The following NAV2 variants were observed in gnomAD, a reference collection of about 807,000 sequenced individuals.
NAV2 encodes neuron navigator 2.
A neutral mutation model predicts 223.2 loss-of-function variants in NAV2; 54 were observed. That is an observed-to-expected ratio of 0.24 (90% CI 0.19 to 0.30). NAV2 has a LOEUF of 0.30. Ranked by LOEUF, NAV2 falls within the 10% of genes least tolerant of loss-of-function variation. The pLI is 1.00. For synonymous variants in NAV2, 1,279 were observed against 1,239.3 expected (o/e 1.03, Z -0.67); for missense variants, 2,806 against 3,147.5 (o/e 0.89, Z 2.60).
At chr11:19,424,040 G>A (rs775613113) in intron 1 of NAV2, among the ~76,000 whole-genome samples, 2 of 152,198 alleles carry the variant, frequency 1.3e-5, no homozygotes, top group Non-Finnish European at 2.9e-5. Flanking sequence ...GAACTGAAAT[G>A]GAGTTGTATG....
intron 10 of NAV2, among the ~76,000 whole-genome samples, chr11:19,955,595 A>G (rs1431622445): frequency 1.3e-5 from 2 of 152,192 alleles, no homozygotes; most frequent in Non-Finnish European, 2.9e-5. Context: ...AAAAGAGAGA[A>G]CTAGGGGCAT....
chr11:20,072,191 G>C (rs953521697), intron 22 of NAV2, among the ~76,000 whole-genome samples: 5 of 152,180 alleles, frequency 3.3e-5, no homozygotes, highest in Admixed American at 6.5e-5. Context: ...TTATTAAATA[G>C]GGAATCCTTT....
Position 20,049,098 on chromosome 11 carries a change from A to G in NAV2, c.4273A>G (p.Ser1425Gly), listed in dbSNP as rs2057732099. 1 of 1,613,970 alleles carries G rather than the reference A, an allele frequency of 6.2e-7. No homozygotes were observed. Among genetic ancestry groups the G allele is most frequent in the Non-Finnish European group, 8.5e-7 (1 of 1,180,018 alleles). ...DISLSSGGVPSHNSSTGLIAS... is the reference protein window; with the variant it reads ...DISLSSGGVPGHNSSTGLIAS... ...CTCCCTCAGCAGTGGAGGGGTCCCC[A>G]GCCACAATTCTTCCACTGGCCTCAT... The change falls in exon 15 of 38, where the codon AGC becomes GGC. Residue 1425 changes from serine to glycine, a missense_variant. Ser to Gly is a moderately conservative substitution (Grantham distance 56, BLOSUM62 0). This residue lies in a region of NAV2 where 742 missense variants were observed against 777.9 expected (regional missense o/e 0.95). Transcript: ENST00000349880.
chr11:19,964,801 T>C (rs1374591685), intron 10 of NAV2, among the ~76,000 whole-genome samples: 3 of 145,754 alleles, frequency 2.1e-5, no homozygotes, highest in African/African-American at 7.6e-5. Context: ...ACAGCTGGCC[T>C]CATTCTACTT....
chr11:19,978,288 T>G (rs548630541), intron 10 of NAV2, among the ~76,000 whole-genome samples: 2 of 152,124 alleles, frequency 1.3e-5, no homozygotes, highest in Non-Finnish European at 2.9e-5. Context: ...TGCATCCTAA[T>G]AAACTCAGAG....
chr11:19,461,257 G>A (rs368264627), intron 1 of NAV2, among the ~76,000 whole-genome samples: 15 of 152,192 alleles, frequency 9.9e-5, no homozygotes, highest in Non-Finnish European at 1.6e-4. Context: ...CTCAGACCCC[G>A]CCTCCCCTCT....
At chr11:19,969,989 C>CG (rs1294893499) in intron 10 of NAV2, among the ~76,000 whole-genome samples, 2 of 151,950 alleles carry the variant, frequency 1.3e-5, no homozygotes, top group African/African-American at 4.8e-5. Flanking sequence ...ACAACAGTAA[C>CG]TAACAATAAA....
chr11:19,729,494 C>G (rs184075840), intron 1 of NAV2, among the ~76,000 whole-genome samples: 1 of 152,202 alleles, frequency 6.6e-6, no homozygotes, highest in Non-Finnish European at 1.5e-5. Context: ...TCTCTTTGTC[C>G]TCTCTTTAAG....
At chr11:19,577,950 A>T (rs191324804) in intron 1 of NAV2, among the ~76,000 whole-genome samples, 2 of 152,340 alleles carry the variant, frequency 1.3e-5, no homozygotes, top group Non-Finnish European at 2.9e-5. Flanking sequence ...AATCAGCAGC[A>T]TTTTGTTTTG....
intron 6 of NAV2, among the ~76,000 whole-genome samples, chr11:19,930,944 G>A (rs1042570178): frequency 1.3e-5 from 2 of 152,188 alleles, no homozygotes; most frequent in Non-Finnish European, 2.9e-5. Context: ...GTTCCTAAAA[G>A]TGCTCTTGTT....
chr11:19,969,881 G>A (rs935414179), intron 10 of NAV2, among the ~76,000 whole-genome samples: 1 of 151,680 alleles, frequency 6.6e-6, no homozygotes, highest in Non-Finnish European at 1.5e-5. Context: ...GGGAGGCGGA[G>A]CTTGCAGTGA....
chr11:19,604,980 G>T (rs910736346), intron 1 of NAV2, among the ~76,000 whole-genome samples: 6 of 152,158 alleles, frequency 3.9e-5, no homozygotes, highest in South Asian at 2.1e-4. Context: ...CAGCCATGTG[G>T]AACTGTAAGT....
chr11:20,014,210 C>T (rs2053819177), intron 11 of NAV2, among the ~76,000 whole-genome samples: 1 of 152,230 alleles, frequency 6.6e-6, no homozygotes, highest in African/African-American at 2.4e-5. Context: ...CCCCAGCCAC[C>T]TGTCCCTCTC....
chr11:19,722,132 G>T, intron 1 of NAV2, among the ~76,000 whole-genome samples: 1 of 152,104 alleles, frequency 6.6e-6, no homozygotes, highest in Non-Finnish European at 1.5e-5. Context: ...TTAAGTTCTG[G>T]ACTCTTTATC....
chr11:19,525,308 A>G (rs1449251048), intron 1 of NAV2, among the ~76,000 whole-genome samples: 1 of 152,182 alleles, frequency 6.6e-6, no homozygotes, highest in Non-Finnish European at 1.5e-5. Flanking sequence ...TTCCTACACC[A>G]TGTTTCAGAT....
intron 4 of NAV2, among the ~76,000 whole-genome samples, chr11:19,876,129 G>C (rs575847925): frequency 6.6e-6 from 1 of 152,110 alleles, no homozygotes; most frequent in African/African-American, 2.4e-5. Context: ...GGGTTCAAGC[G>C]ATTCTCCTGC....
intron 1 of NAV2, among the ~76,000 whole-genome samples, chr11:19,687,305 T>C (rs4757838): frequency 0.87 from 132,875 of 152,240 alleles, 58,414 homozygotes; most frequent in Middle Eastern, 0.96. Flanking sequence ...ATATTTCTTA[T>C]CCAGATAGTC....
intron 10 of NAV2, among the ~76,000 whole-genome samples, chr11:19,970,971 C>T (rs1183812134): frequency 6.6e-6 from 1 of 152,154 alleles, no homozygotes; most frequent in East Asian, 1.9e-4. Flanking sequence ...AGAGTTCACA[C>T]CTTCTCAGTG....
chr11:19,669,713 A>G (rs2048524556), intron 1 of NAV2, among the ~76,000 whole-genome samples: 1 of 152,178 alleles, frequency 6.6e-6, no homozygotes, highest in African/African-American at 2.4e-5. Flanking sequence ...GCTTGGTAAG[A>G]GGGTCCTATC....
Sources: allele counts gnomAD v4.1 joint callset (sites outside exome capture counted in the v4.1 genomes callset), GRCh38; gene constraint gnomAD v4.1.1; regional missense constraint gnomAD v4.1.1; transcripts MANE v1.5; gene names NCBI Gene and HGNC (gene_info 2026-07-23, HGNC 2026-07-21).